PLIN5: variants seen among roughly 807,000 people sequenced by gnomAD.
The protein encoded by PLIN5 is perilipin-5.
PLIN5 carries 34 observed loss-of-function variants against 32.8 expected under a neutral mutation model. The observed-to-expected ratio is 1.04, with a 90% confidence interval of 0.79 to 1.38. The LOEUF is 1.38. PLIN5 is among the 40% of genes most tolerant of loss of function. The pLI, the probability that PLIN5 is intolerant of heterozygous loss-of-function variation, is 0.00. For missense variants in PLIN5, 712 were observed against 660.5 expected (o/e 1.08, Z -0.85); for synonymous variants, 309 against 292.9 (o/e 1.05, Z -0.56).
Position 4,525,009 on chromosome 19 carries a change from C to G in PLIN5, c.788G>C (p.Trp263Ser), listed in dbSNP as rs767797126. ...CGGAGGGCGCTGGCCCCATTCCCCC[C>G]ACAGCTCGTGCACCTTCCCAGGGCA... ...PACPGKVHEL[W>S]GEWGQRPPES... is the part of the protein sequence containing the mutation. Residue 263 changes from tryptophan (W) to serine (S), a missense_variant, in exon 7 of 8, where the codon TGG (tryptophan) becomes TCG (serine). By Grantham distance (177) the Trp-to-Ser change is radical. Transcript: ENST00000381848. The surrounding 1 kb of genome is among the most constrained non-coding windows in gnomAD (Gnocchi z 5.6). 2 of 1,516,272 alleles carry G rather than the reference C, an allele frequency of 1.3e-6. No homozygotes were observed. Among genetic ancestry groups the G allele is most frequent in the East Asian group, 2.7e-5 (1 of 37,442 alleles). The allele number at this position is 1,516,272 out of a possible 1,614,324, so 93.9% of individuals were successfully genotyped here.
intron 1 of PLIN5, 29 bp from the exon 2 acceptor site, chr19:4,534,124 A>T (rs1299726921): frequency 1.4e-5 from 22 of 1,573,734 alleles, no homozygotes; most frequent in Non-Finnish European, 1.8e-5. Context: ...TAAGGGGAGC[A>T]CCTGCCCAGG....
intron 2 of PLIN5, 114 bp from the exon 3 acceptor site, chr19:4,531,936 G>T: frequency 9.0e-7 from 1 of 1,115,486 alleles, no homozygotes; most frequent in Non-Finnish European, 1.2e-6. Flanking sequence ...GAAGGATGGA[G>T]TACTGAGCAC....
chr19:4,524,590 G>A (rs191237524), intron 7 of PLIN5, among the ~76,000 whole-genome samples: 273 of 152,154 alleles, frequency 1.8e-3, no homozygotes, highest in African/African-American at 6.4e-3. Flanking sequence ...GTGGAGAGAT[G>A]GTTTCTAGGC....
intron 7 of PLIN5, 37 bp from the exon 8 acceptor site, chr19:4,524,122 G>C: frequency 7.2e-7 from 1 of 1,389,290 alleles, no homozygotes; most frequent in Non-Finnish European, 9.3e-7. Flanking sequence ...CCCTATGGAC[G>C]CCCAGGAGGA....
chr19:4,530,974 A>G (rs10408233), intron 3 of PLIN5, among the ~76,000 whole-genome samples: 57,088 of 150,480 alleles, frequency 0.38, 10,999 homozygotes, highest in Non-Finnish European at 0.41. Flanking sequence ...CACCGCACCT[A>G]TCAGGGGATC....
At chr19:4,527,979 T>A (rs982135291) in intron 5 of PLIN5, among the ~76,000 whole-genome samples, 1 of 151,498 alleles carries the variant, frequency 6.6e-6, no homozygotes, top group Admixed American at 6.6e-5. Context: ...GTGCGATCTC[T>A]GCTCACTGCA....
intron 5 of PLIN5, chr19:4,528,834 G>A: frequency 2.5e-6 from 1 of 404,908 alleles, no homozygotes; most frequent in Admixed American, 4.4e-5. Flanking sequence ...CACCAGTTTG[G>A]GACCTCAAGT....
rs1047475755 is a variant in PLIN5 at position 4,525,553 on chromosome 19, C to G, written c.720+80G>C. On this transcript the variant is annotated intron_variant, in intron 6 of 7. Transcript: ENST00000381848. This position sits in a 1 kb window ranked among gnomAD's most constrained non-coding sequence, Gnocchi z 5.6. Reference sequence around the variant, plus strand: ...CTCCGCCTCCTGCTTTAGGCTAGCACGGGATCCGGTATTCAGCTGGTGCTC... The same window carrying G: ...CTCCGCCTCCTGCTTTAGGCTAGCAGGGGATCCGGTATTCAGCTGGTGCTC... 2.6e-6 allele frequency: 4 copies of G among 1,535,124 alleles called. No individual in the cohort carries two copies. Among genetic ancestry groups the G allele is most frequent in the Middle Eastern group, 1.9e-4 (1 of 5,278 alleles).
chr19:4,527,587 G>A (rs183588453), intron 5 of PLIN5, among the ~76,000 whole-genome samples: 105 of 147,566 alleles, frequency 7.1e-4, no homozygotes, highest in African/African-American at 2.6e-3. Context: ...TGGGCGTGGT[G>A]GACTCACGCT....
At chr19:4,531,090 T>G (rs1480878214) in intron 3 of PLIN5, among the ~76,000 whole-genome samples, 11 of 151,818 alleles carry the variant, frequency 7.2e-5, no homozygotes, top group Admixed American at 7.2e-4. Flanking sequence ...AACTTCTGCC[T>G]CCCGGGTTCA....
chr19:4,529,584 A>C (rs1976855502), intron 4 of PLIN5, 200 bp downstream of exon 4: 1 of 528,702 alleles, frequency 1.9e-6, no homozygotes, highest in Non-Finnish European at 3.4e-6. Flanking sequence ...ATACATATAT[A>C]CACTATACGT....
intron 5 of PLIN5, among the ~76,000 whole-genome samples, chr19:4,526,096 T>C (rs1164689126): frequency 1.3e-5 from 2 of 152,120 alleles, no homozygotes; most frequent in Non-Finnish European, 2.9e-5. Flanking sequence ...AACCCTAAGA[T>C]GTAGGCACTA....
In PLIN5 at chr19:4,525,896, C is replaced by T. The variant is rs1242489047; in HGVS notation, c.521-64G>A. On this transcript the variant is annotated intron_variant, in intron 5 of 7. Coordinates refer to ENST00000381848, the MANE Select transcript of PLIN5 (RefSeq NM_001013706.3). This position sits in a 1 kb window ranked among gnomAD's most constrained non-coding sequence, Gnocchi z 5.6. Reference sequence around the variant, plus strand: ...ACGGGGACAGCACGGGGACAGGATACGGGGACAGCACGGGGACAGGATACG... The same window carrying T: ...ACGGGGACAGCACGGGGACAGGATATGGGGACAGCACGGGGACAGGATACG... 1.5e-5 allele frequency: 8 copies of T among 527,448 alleles called. No homozygotes were observed. The highest frequency in any genetic ancestry group is 8.5e-5 in the South Asian group (4 of 46,984). The allele number at this position is 527,448 out of a possible 1,614,324, so 32.7% of individuals were successfully genotyped here. A position where few individuals can be genotyped will look rare whatever the true frequency, so the allele number is the denominator to read the frequency against.
chr19:4,526,606 C>G (rs181734260), intron 5 of PLIN5, among the ~76,000 whole-genome samples: 30 of 152,034 alleles, frequency 2.0e-4, no homozygotes, highest in Non-Finnish European at 3.7e-4. Flanking sequence ...TTTGGGAGGC[C>G]GAGATGGGAG....
intron 4 of PLIN5, 73 bp downstream of exon 4, chr19:4,529,711 A>ATCCC (rs750064598): frequency 8.6e-7 from 1 of 1,159,788 alleles, no homozygotes; most frequent in Non-Finnish European, 1.3e-6. Context: ...GGTTGTCACC[A>ATCCC]TCCCTCCCTC....
chr19:4,523,828 C>A lies in PLIN5; in HGVS notation c.1092G>T (p.Leu364=), dbSNP rs1976763134. Reference sequence around the variant, plus strand: ...AGGGCAGCGGCACGGCCTGCACCACCAGCTCCAGCAGCTCGTCCACGCAGG... The same window carrying A: ...AGGGCAGCGGCACGGCCTGCACCACAAGCTCCAGCAGCTCGTCCACGCAGG... ...AHACVDELLE[L]VVQAVPLPWL... Residue 364 remains leucine (L), a synonymous_variant, in exon 8 of 8, where the codon CTG becomes CTT. Coordinates refer to ENST00000381848, the MANE Select transcript of PLIN5 (RefSeq NM_001013706.3). The surrounding 1 kb of genome is among the most constrained non-coding windows in gnomAD (Gnocchi z 5.0). 6.3e-7 allele frequency: 1 copy of A among 1,589,746 alleles called. No individual in the cohort carries two copies. Among genetic ancestry groups the A allele is most frequent in the South Asian group, 1.1e-5 (1 of 90,020 alleles).
At chr19:4,524,133 C>T in intron 7 of PLIN5, 48 bp from the exon 8 acceptor site, 1 of 1,384,088 alleles carries the variant, frequency 7.2e-7, no homozygotes, top group Non-Finnish European at 9.3e-7. Context: ...CCCAGGAGGA[C>T]TGCTGTCCTG....
intron 2 of PLIN5, chr19:4,533,089 C>T (rs1161208524): frequency 6.7e-6 from 1 of 150,170 alleles, no homozygotes; most frequent in Non-Finnish European, 1.5e-5. Flanking sequence ...CAGGCACCAC[C>T]CCACCTGGCT....
In PLIN5 at chr19:4,525,471, C is replaced by T. The variant is rs1471086456; in HGVS notation, c.720+162G>A. Among the ~76,000 whole-genome samples the T allele has an allele frequency of 6.6e-6, 1 of 152,196 alleles. No homozygotes were observed. The highest frequency in any genetic ancestry group is 1.5e-5 in the Non-Finnish European group (1 of 68,034). ...GCAGAGCCATGACATCCCTGGGCTC[C>T]TCCAGGCCCGGGTCCCCCAGCCCTG... is the stretch of plus-strand genomic sequence containing the variant. On this transcript the variant is annotated intron_variant, in intron 6 of 7. Transcript: ENST00000381848. The surrounding 1 kb of genome is among the most constrained non-coding windows in gnomAD (Gnocchi z 5.6).
Sources: gnomAD v4.1 joint callset for allele counts (sites outside exome capture counted in the v4.1 genomes callset) on GRCh38, gnomAD v4.1.1 for gene constraint, Gnocchi (gnomAD v3.1) non-coding constraint, MANE v1.5 for transcripts, NCBI Gene and HGNC (gene_info 2026-07-23, HGNC 2026-07-21) for gene names.